Variants in PTPRD observed in about 807,000 individuals in gnomAD.
PTPRD encodes receptor-type tyrosine-protein phosphatase delta.
In PTPRD, 34 loss-of-function variants were observed where a neutral mutation model predicts 214.5. That is an observed-to-expected ratio of 0.16 (90% CI 0.12 to 0.21). The LOEUF is 0.21. Ranked by LOEUF, PTPRD falls within the 10% of genes least tolerant of loss-of-function variation. The probability of loss-of-function intolerance (pLI) is 1.00; values close to 1 mark genes in which losing one functional copy is unlikely to be tolerated. For synonymous variants in PTPRD, 1,128 were observed against 845.7 expected, an observed-to-expected ratio of 1.33 and a Z score of -5.79; for missense variants, 2,545 against 2,398.7, an observed-to-expected ratio of 1.06 and a Z score of -1.27.
intron 2 of PTPRD, among the ~76,000 whole-genome samples, chr9:10,606,019 G>T (rs373833973): frequency 1.3e-5 from 2 of 151,804 alleles, no homozygotes; most frequent in African/African-American, 4.8e-5. Context: ...TAAGAGTAGT[G>T]CATAATGTGA....
chr9:9,516,258 A>G (rs2096835685), intron 8 of PTPRD, among the ~76,000 whole-genome samples: 2 of 108,776 alleles, frequency 1.8e-5, no homozygotes, highest in Non-Finnish European at 4.3e-5. Flanking sequence ...ACTCCCATCC[A>G]TATTTACTTA....
At chr9:8,994,240 G>A (rs192850403) in intron 11 of PTPRD, among the ~76,000 whole-genome samples, 139 of 152,124 alleles carry the variant, frequency 9.1e-4, no homozygotes, top group Non-Finnish European at 1.6e-3. Context: ...CTTTGCATTC[G>A]TACTGAAATT....
intron 2 of PTPRD, among the ~76,000 whole-genome samples, chr9:10,409,222 T>G (rs780698010): frequency 3.3e-5 from 5 of 151,830 alleles, no homozygotes; most frequent in Non-Finnish European, 7.4e-5. Context: ...TATGACTTGT[T>G]AAAAATATAG....
At chr9:8,350,385 G>T (rs989651569) in intron 39 of PTPRD, among the ~76,000 whole-genome samples, 1 of 152,104 alleles carries the variant, frequency 6.6e-6, no homozygotes, top group Non-Finnish European at 1.5e-5. Flanking sequence ...AAATCATTGT[G>T]AGCATTTTGT....
intron 2 of PTPRD, among the ~76,000 whole-genome samples, chr9:10,407,097 A>G (rs1022474532): frequency 6.6e-6 from 1 of 151,648 alleles, no homozygotes; most frequent in Admixed American, 6.6e-5. Flanking sequence ...CTTCTCACCA[A>G]CAAATTTAAA....
chr9:10,258,353 G>T (rs1264189065), intron 3 of PTPRD, among the ~76,000 whole-genome samples: 1 of 152,128 alleles, frequency 6.6e-6, no homozygotes, highest in Non-Finnish European at 1.5e-5. Context: ...GGTCTCACCA[G>T]GTTGCACCAT....
At chr9:9,603,857 T>G (rs1325207232) in intron 7 of PTPRD, among the ~76,000 whole-genome samples, 1 of 152,024 alleles carries the variant, frequency 6.6e-6, no homozygotes, top group East Asian at 1.9e-4. Flanking sequence ...TTTTTTTAAC[T>G]TTTATTTTAG....
chr9:10,243,906 C>T lies in PTPRD; in HGVS notation c.-545+97057G>A, dbSNP rs142208269. 1.0e-3 allele frequency among the ~76,000 whole-genome samples: 155 copies of T among 151,954 alleles called. 5 individuals are homozygous for T. In the East Asian group the frequency reaches 0.022, roughly 22 times the overall value. On this transcript the variant is annotated intron_variant, in intron 3 of 45. Transcript: ENST00000381196. ...TCTGTCCAGAATCAGGTCCCTGCAC[C>T]GAACTGCTAGATTTACATCAAAGTT...
intron 3 of PTPRD, among the ~76,000 whole-genome samples, chr9:10,300,474 C>A (rs554475213): frequency 3.2e-4 from 48 of 152,084 alleles, no homozygotes; most frequent in African/African-American, 9.7e-4. Context: ...CTCTGTGGGT[C>A]CCCCCTCCAC....
At chr9:10,244,195 C>T (rs1380927167) in intron 3 of PTPRD, among the ~76,000 whole-genome samples, 6 of 152,000 alleles carry the variant, frequency 3.9e-5, no homozygotes, top group Admixed American at 3.9e-4. Flanking sequence ...TACTTGGCCT[C>T]CCTTACAGTG....
intron 3 of PTPRD, among the ~76,000 whole-genome samples, chr9:10,274,442 C>A (rs1007670111): frequency 6.6e-6 from 1 of 152,112 alleles, no homozygotes; most frequent in Non-Finnish European, 1.5e-5. Context: ...TTCCTGCAAC[C>A]ATTAGTGCAT....
chr9:9,976,752 T>A (rs969730629), intron 4 of PTPRD, among the ~76,000 whole-genome samples: 4 of 147,462 alleles, frequency 2.7e-5, no homozygotes, highest in Non-Finnish European at 6.0e-5. Flanking sequence ...CACCACTAGC[T>A]GACTATTAAT....
chr9:9,767,974 A>C (rs1282128021), intron 5 of PTPRD, among the ~76,000 whole-genome samples: 1 of 152,164 alleles, frequency 6.6e-6, no homozygotes, highest in East Asian at 1.9e-4. Flanking sequence ...ATGCTCCGTA[A>C]GCTATCATCG....
chr9:10,470,031 C>G (rs79562431), intron 2 of PTPRD, among the ~76,000 whole-genome samples: 9,860 of 151,348 alleles, frequency 0.065, 902 homozygotes, highest in African/African-American at 0.2. Context: ...AATAAAGAGG[C>G]GTTGGTTAAC....
intron 2 of PTPRD, among the ~76,000 whole-genome samples, chr9:10,387,798 T>TTA (rs1555263986): frequency 1.6e-5 from 2 of 127,108 alleles, no homozygotes; most frequent in African/African-American, 2.9e-5. Context: ...GAATACGATT[T>TTA]AAAAAAAAAA....
At chr9:9,314,532 C>T (rs1433285148) in intron 9 of PTPRD, among the ~76,000 whole-genome samples, 1 of 152,044 alleles carries the variant, frequency 6.6e-6, no homozygotes, top group African/African-American at 2.4e-5. Flanking sequence ...AAAATGTTAT[C>T]AAATGAATAT....
chr9:8,632,026 T>G (rs1397565730), intron 14 of PTPRD, among the ~76,000 whole-genome samples: 2 of 151,800 alleles, frequency 1.3e-5, no homozygotes, highest in Admixed American at 1.3e-4. Flanking sequence ...GTCAATACTT[T>G]CCCTGCAACT....
chr9:9,716,031 G>C (rs1400255840), intron 7 of PTPRD, among the ~76,000 whole-genome samples: 1 of 150,240 alleles, frequency 6.7e-6, no homozygotes, highest in South Asian at 2.1e-4. Flanking sequence ...AGTCCCCAGA[G>C]TGTGATGTCC....
chr9:8,840,869 T>C, intron 11 of PTPRD, among the ~76,000 whole-genome samples: 1 of 152,218 alleles, frequency 6.6e-6, no homozygotes, highest in East Asian at 1.9e-4. Flanking sequence ...GTACTGGCTC[T>C]GGTACTGCAT....
Sources: gnomAD v4.1 joint callset for allele counts (sites outside exome capture counted in the v4.1 genomes callset) on GRCh38, gnomAD v4.1.1 for gene constraint, MANE v1.5 for transcripts, NCBI Gene and HGNC (gene_info 2026-07-23, HGNC 2026-07-21) for gene names.